Variants in PTPRJ observed in about 807,000 individuals in gnomAD.
The protein encoded by PTPRJ is protein tyrosine phosphatase receptor type J, also known as receptor-type tyrosine-protein phosphatase eta.
Under a neutral mutation model 141.3 loss-of-function variants are expected in PTPRJ, and 129 were observed. The ratio of observed to expected loss-of-function variants is 0.91; its 90% confidence interval spans 0.79 to 1.06. The LOEUF (loss-of-function observed/expected upper bound fraction) is 1.06, where lower values mean the gene tolerates loss of function less well. Ranked by LOEUF, PTPRJ falls within the 50% of genes least tolerant of loss-of-function variation. The pLI, the probability that PTPRJ is intolerant of heterozygous loss-of-function variation, is 0.00. For missense variants in PTPRJ, 1,601 were observed against 1,679.7 expected (o/e 0.95, Z 0.82); for synonymous variants, 610 against 640.5 (o/e 0.95, Z 0.72).
At chr11:48,111,364 A>C (rs1590515745) in intron 2 of PTPRJ, among the ~76,000 whole-genome samples, 1 of 151,534 alleles carries the variant, frequency 6.6e-6, no homozygotes, top group South Asian at 2.1e-4. Flanking sequence ...AAAAAAAAAA[A>C]AACCATGGTT....
chr11:48,080,077 A>T (rs1381039116), intron 1 of PTPRJ, among the ~76,000 whole-genome samples: 1 of 152,182 alleles, frequency 6.6e-6, no homozygotes, highest in Non-Finnish European at 1.5e-5. Flanking sequence ...TGGGGACAAA[A>T]GCCTCTTCTC....
chr11:48,148,045 A>G (rs969970453), intron 15 of PTPRJ, among the ~76,000 whole-genome samples: 3 of 151,996 alleles, frequency 2.0e-5, no homozygotes, highest in East Asian at 1.9e-4. Flanking sequence ...GAGTTTCACC[A>G]TGTTGGCCAG....
intron 1 of PTPRJ, among the ~76,000 whole-genome samples, chr11:48,004,853 T>G (rs1041568249): frequency 6.6e-6 from 1 of 152,184 alleles, no homozygotes; most frequent in Non-Finnish European, 1.5e-5. Context: ...TGTTTTGTAT[T>G]TTTGATGGCA....
chr11:48,060,536 T>C (rs1488559015), intron 1 of PTPRJ, among the ~76,000 whole-genome samples: 2 of 152,232 alleles, frequency 1.3e-5, no homozygotes, highest in African/African-American at 2.4e-5. Flanking sequence ...GCAGGTTTGA[T>C]TGAAGAAGTC....
Position 48,123,775 on chromosome 11 carries a change from C to T in PTPRJ, c.779C>T (p.Ser260Leu), listed in dbSNP as rs756013780. Reference protein sequence around the residue: ...TQDSRLQVNISGLKPGVQYNI... With the variant: ...TQDSRLQVNILGLKPGVQYNI... ...GACTCAAGACTTCAGGTCAATATCT[C>T]GGGCCTGAAGCCAGGGGTTCAATAC... The change falls in exon 5 of 25, where the codon TCG (serine) becomes TTG (leucine). Residue 260 changes from serine to leucine, a missense_variant. Transcript: ENST00000418331. The T allele has an allele frequency of 3.0e-5, 49 of 1,613,930 alleles. No individual in the cohort carries two copies. The highest frequency in any genetic ancestry group is 2.8e-4 in the African/African-American group (21 of 74,872).
At chr11:48,047,268 G>C (rs1392019167) in intron 1 of PTPRJ, among the ~76,000 whole-genome samples, 1 of 151,802 alleles carries the variant, frequency 6.6e-6, no homozygotes, top group Non-Finnish European at 1.5e-5. Context: ...CAATCCTTTT[G>C]TTAACATTTT....
intron 18 of PTPRJ, among the ~76,000 whole-genome samples, chr11:48,152,155 G>A (rs1289834475): frequency 3.3e-5 from 5 of 152,146 alleles, no homozygotes; most frequent in African/African-American, 9.7e-5. Flanking sequence ...GGTGTGAGAT[G>A]CTATCTCATT....
intron 1 of PTPRJ, among the ~76,000 whole-genome samples, chr11:48,049,120 G>A (rs80034276): frequency 6.6e-6 from 1 of 152,088 alleles, no homozygotes; most frequent in Non-Finnish European, 1.5e-5. Flanking sequence ...CACTACTGAC[G>A]TTTGGAGTCT....
At chr11:48,010,469 C>T (rs1468777607) in intron 1 of PTPRJ, among the ~76,000 whole-genome samples, 8 of 151,610 alleles carry the variant, frequency 5.3e-5, no homozygotes, top group African/African-American at 1.2e-4. Context: ...TGAACCACTG[C>T]GCGGCCCATT....
At chr11:48,026,240 A>T (rs1300873963) in intron 1 of PTPRJ, among the ~76,000 whole-genome samples, 4 of 152,144 alleles carry the variant, frequency 2.6e-5, no homozygotes, top group Admixed American at 1.3e-4. Context: ...AGTGACTTAG[A>T]CACTTGATGG....
rs377316544 is a variant in PTPRJ, at chr11:48,146,891, C to T, written c.2927C>T (p.Ala976Val). Residue 976 changes from alanine to valine, a missense_variant, in exon 15 of 25, where the codon GCG becomes GTG. Physicochemically the swap from Ala to Val is moderately conservative, Grantham distance 64. Coordinates refer to ENST00000418331, the MANE Select transcript of PTPRJ (RefSeq NM_002843.4). ...LPQDPGVICG[A>V]VFGCIFGALV... ...CTTTTCTCAGGTGTCATCTGTGGAGCGGTTTTTGGCTGTATCTTTGGTGCC... is the reference window on the plus strand; with the variant it reads ...CTTTTCTCAGGTGTCATCTGTGGAGTGGTTTTTGGCTGTATCTTTGGTGCC... The T allele has an allele frequency of 6.4e-5, 103 of 1,613,770 alleles. No individual in the cohort carries two copies. Among genetic ancestry groups the T allele is most frequent in the Non-Finnish European group, 8.1e-5 (95 of 1,179,950 alleles).
intron 1 of PTPRJ, among the ~76,000 whole-genome samples, chr11:48,014,983 G>A (rs567549235): frequency 2.0e-5 from 3 of 152,184 alleles, no homozygotes; most frequent in Non-Finnish European, 4.4e-5. Flanking sequence ...TGGGATTACA[G>A]GTGTGAGCCA....
At chr11:48,101,766 G>A (rs1321058030) in intron 1 of PTPRJ, among the ~76,000 whole-genome samples, 1 of 152,212 alleles carries the variant, frequency 6.6e-6, no homozygotes, top group Admixed American at 6.5e-5. Context: ...GACGAGCGGC[G>A]CAGGAGAGAA....
At position 48,127,997 on chromosome 11, in the gene PTPRJ, C is replaced by T. The variant is rs774297935; in HGVS notation, c.1311C>T (p.Val437=). The T allele has an allele frequency of 7.4e-6, 12 of 1,613,860 alleles. No homozygotes were observed. The highest frequency in any genetic ancestry group is 9.3e-6 in the Non-Finnish European group (11 of 1,179,846). ...STFYNITVCP[V]LGDIEGTPGF... ...TCTACAACATCACAGTGTGTCCTGT[C>T]CTAGGTGACATCGAGGGCACGCCGG... is the stretch of plus-strand genomic sequence containing the variant. Residue 437 remains valine (V), a synonymous_variant, in exon 7 of 25, where the codon GTC becomes GTT. Transcript: ENST00000418331.
Position 48,168,534 on chromosome 11 carries a change from G to GTGTATATA in PTPRJ, c.*1173_*1174insGTATATAT, listed in dbSNP as rs1857975364. 2.3e-5 allele frequency: 1 copy of GTGTATATA among 44,072 alleles called. No homozygotes were observed. Among genetic ancestry groups the GTGTATATA allele is most frequent in the Non-Finnish European group, 4.1e-5 (1 of 24,244 alleles). 2.7% of individuals were successfully genotyped at this position (44,072 alleles called of 1,614,324 possible). ...CGTGACACATATCGGAATCTACTGT[G>GTGTATATA]TATATATATATATATATATATATAT... On this transcript the variant is annotated 3_prime_UTR_variant, in exon 25 of 25. Coordinates refer to ENST00000418331, the MANE Select transcript of PTPRJ (RefSeq NM_002843.4).
At chr11:48,025,753 C>G (rs1360518757) in intron 1 of PTPRJ, among the ~76,000 whole-genome samples, 1 of 152,226 alleles carries the variant, frequency 6.6e-6, no homozygotes, top group Non-Finnish European at 1.5e-5. Flanking sequence ...CTTACAAGTG[C>G]CCTTTAGGCG....
chr11:47,996,072 G>A (rs1200697777), intron 1 of PTPRJ, among the ~76,000 whole-genome samples: 2 of 151,486 alleles, frequency 1.3e-5, no homozygotes, highest in Non-Finnish European at 2.9e-5. Flanking sequence ...GGTGGCTTAC[G>A]CCTGTAATCC....
intron 1 of PTPRJ, among the ~76,000 whole-genome samples, chr11:48,045,834 T>G (rs1590434719): frequency 6.6e-6 from 1 of 152,164 alleles, no homozygotes; most frequent in African/African-American, 2.4e-5. Context: ...CTTAACAAGT[T>G]TGGTTCTACA....
chr11:48,023,783 A>AAAATAAATAAATAAAT (rs151301730), intron 1 of PTPRJ, among the ~76,000 whole-genome samples: 1 of 149,092 alleles, frequency 6.7e-6, no homozygotes, highest in African/African-American at 2.5e-5. Flanking sequence ...CTCGGACTCA[A>AAAATAAATAAATAAAT]AAATAAATAA....
Sources: gnomAD v4.1 joint callset for allele counts (sites outside exome capture counted in the v4.1 genomes callset) on GRCh38, gnomAD v4.1.1 for gene constraint, MANE v1.5 for transcripts, NCBI Gene and HGNC (gene_info 2026-07-23, HGNC 2026-07-21) for gene names.